The following NUDC variants were observed in gnomAD, a reference collection of about 807,000 sequenced individuals.
The protein encoded by NUDC is nuclear distribution C, dynein complex regulator.
Under a neutral mutation model 45.0 loss-of-function variants are expected in NUDC, and 14 were observed. The observed-to-expected ratio is 0.31, with a 90% CI of 0.21 to 0.49. The LOEUF (loss-of-function observed/expected upper bound fraction) is 0.49. Among genes scored for constraint, NUDC ranks in the 20% least tolerant of loss-of-function variants. The pLI, the probability that NUDC is intolerant of heterozygous loss-of-function variation, is 0.99. For missense variants in NUDC, 323 were observed against 426.2 expected, an observed-to-expected ratio of 0.76 and a Z score of 2.13; for synonymous variants, 153 against 156.7, an observed-to-expected ratio of 0.98 and a Z score of 0.17.
At chr1:26,934,158 G>GA (rs1430724208) in intron 2 of NUDC, among the ~76,000 whole-genome samples, 1 of 151,820 alleles carries the variant, frequency 6.6e-6, no homozygotes, top group African/African-American at 2.4e-5. Context: ...TCTCAAAGAA[G>GA]AAAAAAAAGA....
chr1:26,911,222 G>T (rs534946465), exon 3 of NUDC: 79 of 466,758 alleles, frequency 1.7e-4, no homozygotes, highest in African/African-American at 1.5e-3. Flanking sequence ...GGCTGTGATT[G>T]GGCTTTCACT....
Position 26,905,235 on chromosome 1 carries a change from A to G in NUDC, c.-16+2869A>G, listed in dbSNP as rs1449222688. Among the ~76,000 whole-genome samples the G allele has an allele frequency of 2.1e-5, 3 of 140,580 alleles. No individual in the cohort carries two copies. In the East Asian group the frequency reaches 6.4e-4, roughly 30 times the overall value. 92.2% of individuals were successfully genotyped at this position (140,580 alleles called of 152,430 possible). A position where few individuals can be genotyped will look rare whatever the true frequency, so the allele number is the denominator to read the frequency against. The stretch of plus-strand genomic sequence containing the variant: ...GAGTGCAATGGCACCATCTCGGCTC[A>G]CTGCAACCTCCGCCTCCTGGGTTCA... On this transcript the variant is annotated intron_variant, in intron 2 of 6. Transcript: ENST00000435827.
intron 2 of NUDC, among the ~76,000 whole-genome samples, chr1:26,904,132 G>A (rs1171688396): frequency 2.0e-5 from 3 of 147,954 alleles, no homozygotes; most frequent in Non-Finnish European, 4.5e-5. Flanking sequence ...TTATATCTAG[G>A]TTTAAACCCA....
rs1159407572 is a variant in NUDC, at chr1:26,946,569, T to G, written c.*388T>G. 3.2e-6 allele frequency: 1 copy of G among 315,798 alleles called. No homozygotes were observed. Among genetic ancestry groups the G allele is most frequent in the Non-Finnish European group, 6.2e-6 (1 of 161,866 alleles). 19.6% of individuals were successfully genotyped at this position (315,798 alleles called of 1,614,324 possible). On this transcript the variant is annotated 3_prime_UTR_variant, in exon 9 of 9. Transcript: ENST00000321265. ...ATTACTTAAAGATTAAAACAAGGCT[T>G]GGCCGGGTGTGATGGTTCATGTCTG...
chr1:26,927,631 C>T (rs1223551054), intron 2 of NUDC, among the ~76,000 whole-genome samples: 3 of 151,814 alleles, frequency 2.0e-5, no homozygotes, highest in African/African-American at 4.8e-5. Flanking sequence ...CTCCTGAGCT[C>T]GTGATCTGCC....
exon 3 of NUDC, chr1:26,911,186 A>T (rs920884642): frequency 2.1e-6 from 1 of 470,402 alleles, no homozygotes; most frequent in Admixed American, 2.4e-5. Context: ...GTCTGTTTCA[A>T]TTCGGGAGTG....
chr1:26,940,027 C>A (rs2082264294), intron 2 of NUDC, among the ~76,000 whole-genome samples: 1 of 152,156 alleles, frequency 6.6e-6, no homozygotes, highest in East Asian at 1.9e-4. Flanking sequence ...AGCAGGGAGG[C>A]TGGCTAGCAC....
In NUDC at chr1:26,942,934, C is replaced by T. The variant is rs771037654; in HGVS notation, c.610C>T (p.Arg204Trp). ...GAAGGACATGGTGGTGGACATCCAGCGGCGGCACCTCCGGGTGGGGCTCAA... is the reference window on the plus strand; with the variant it reads ...GAAGGACATGGTGGTGGACATCCAGTGGCGGCACCTCCGGGTGGGGCTCAA... ...KGKDMVVDIQRRHLRVGLKGQ... is the reference protein window; with the variant it reads ...KGKDMVVDIQWRHLRVGLKGQ... The change falls in exon 6 of 9, where the codon CGG becomes TGG. Residue 204 changes from arginine (R) to tryptophan (W), a missense_variant. Transcript: ENST00000321265. 4 of 1,613,834 alleles carry T rather than the reference C, an allele frequency of 2.5e-6. No individual in the cohort carries two copies. Among genetic ancestry groups the T allele is most frequent in the Admixed American group, 1.7e-5 (1 of 59,982 alleles).
chr1:26,942,131 A>C (rs2082282620), intron 4 of NUDC, among the ~76,000 whole-genome samples: 1 of 152,028 alleles, frequency 6.6e-6, no homozygotes, highest in Non-Finnish European at 1.5e-5. Flanking sequence ...ATCTCTACTA[A>C]AAATACAAAA....
At chr1:26,900,517 C>T in intron 1 of NUDC, 7 of 1,276,268 alleles carry the variant, frequency 5.5e-6, no homozygotes, top group Non-Finnish European at 7.6e-6. Context: ...CCCTGCGTTG[C>T]GAGATTGTGA....
At chr1:26,939,138 C>A (rs955187178) in intron 2 of NUDC, among the ~76,000 whole-genome samples, 3 of 152,110 alleles carry the variant, frequency 2.0e-5, no homozygotes, top group African/African-American at 7.2e-5. Context: ...GGACTACTGG[C>A]GTGTGCCACC....
chr1:26,919,294 G>A (rs536615872), upstream of NUDC, among the ~76,000 whole-genome samples: 2 of 151,888 alleles, frequency 1.3e-5, no homozygotes, highest in African/African-American at 2.4e-5. Context: ...TGTGCACAAC[G>A]TGCAGGTTTG....
At chr1:26,905,635 C>T (rs1482574794) in intron 2 of NUDC, among the ~76,000 whole-genome samples, 12 of 150,380 alleles carry the variant, frequency 8.0e-5, no homozygotes, top group Admixed American at 6.3e-4. Flanking sequence ...GTTGCAGCCC[C>T]GAGTTCCCAG....
intron 2 of NUDC, among the ~76,000 whole-genome samples, chr1:26,926,896 G>A (rs192161728): frequency 5.8e-4 from 88 of 152,180 alleles, no homozygotes; most frequent in African/African-American, 2.0e-3. Context: ...ACTGCACCCG[G>A]CCTACTTTTT....
chr1:26,943,096 G>T, intron 6 of NUDC, 31 bp downstream of exon 6: 4 of 1,611,304 alleles, frequency 2.5e-6, no homozygotes, highest in Non-Finnish European at 3.4e-6. Flanking sequence ...CTAGCCTGGG[G>T]TGTTGATGGA....
intron 3 of NUDC, chr1:26,912,004 G>A: frequency 6.2e-7 from 1 of 1,614,244 alleles, no homozygotes. Flanking sequence ...CTGGGCACCA[G>A]GGTTCCAGGA....
At chr1:26,923,621 C>G (rs948412702) in intron 1 of NUDC, among the ~76,000 whole-genome samples, 1 of 152,106 alleles carries the variant, frequency 6.6e-6, no homozygotes, top group Non-Finnish European at 1.5e-5. Flanking sequence ...AGGTGCCCAC[C>G]ACCTGTAATC....
At chr1:26,926,250 G>A (rs567395261) in intron 2 of NUDC, among the ~76,000 whole-genome samples, 18 of 152,140 alleles carry the variant, frequency 1.2e-4, no homozygotes, top group Admixed American at 5.2e-4. Flanking sequence ...TTTGCAAACC[G>A]TTTTCTGTGG....
At chr1:26,943,416 C>A (rs2082295233) in intron 6 of NUDC, among the ~76,000 whole-genome samples, 1 of 152,082 alleles carries the variant, frequency 6.6e-6, no homozygotes, top group East Asian at 1.9e-4. Context: ...GGGGGTCTCA[C>A]TATATTTCCC....
Sources: gnomAD v4.1 joint callset for allele counts (sites outside exome capture counted in the v4.1 genomes callset) on GRCh38, gnomAD v4.1.1 for gene constraint, MANE v1.5 for transcripts, NCBI Gene and HGNC (gene_info 2026-07-23, HGNC 2026-07-21) for gene names.